FRMD4A: variants seen among roughly 807,000 people sequenced by gnomAD.
FRMD4A encodes FERM domain-containing protein 4A.
Under a neutral mutation model 129.1 loss-of-function variants are expected in FRMD4A, and 29 were observed. The observed-to-expected ratio is 0.22, with a 90% confidence interval of 0.17 to 0.31. FRMD4A has a LOEUF of 0.31. Ranked by LOEUF, FRMD4A falls within the 10% of genes least tolerant of loss-of-function variation. FRMD4A has a pLI of 1.00. For synonymous variants in FRMD4A, 634 were observed against 571.6 expected, an observed-to-expected ratio of 1.11 and a Z score of -1.56; for missense variants, 1,272 against 1,375.8, an observed-to-expected ratio of 0.92 and a Z score of 1.19.
At chr10:13,999,451 C>T (rs1311467675) in intron 2 of FRMD4A, among the ~76,000 whole-genome samples, 2 of 152,148 alleles carry the variant, frequency 1.3e-5, no homozygotes, top group African/African-American at 4.8e-5. Flanking sequence ...TGGACTAGGA[C>T]CGCATTTTCT....
chr10:14,233,144 TACCTGAC>T (rs1843691483), intron 2 of FRMD4A, among the ~76,000 whole-genome samples: 1 of 152,242 alleles, frequency 6.6e-6, no homozygotes, highest in South Asian at 2.1e-4. Context: ...CATATGAAAG[TACCTGAC>T]ACAGTGTAAG....
At chr10:14,105,146 G>C (rs1157571300) in intron 2 of FRMD4A, among the ~76,000 whole-genome samples, 1 of 152,152 alleles carries the variant, frequency 6.6e-6, no homozygotes, top group Non-Finnish European at 1.5e-5. Flanking sequence ...ATAAGAGATG[G>C]GTCATTTGAA....
intron 2 of FRMD4A, among the ~76,000 whole-genome samples, chr10:14,299,354 A>T (rs1396498186): frequency 6.6e-6 from 1 of 152,140 alleles, no homozygotes; most frequent in South Asian, 2.1e-4. Flanking sequence ...GGGAGAAGCT[A>T]TTGAGTAGGA....
chr10:13,696,411 C>T (rs936650620), intron 14 of FRMD4A, among the ~76,000 whole-genome samples: 1 of 152,158 alleles, frequency 6.6e-6, no homozygotes, highest in African/African-American at 2.4e-5. Context: ...TAGACCAATT[C>T]AGTGCTGGGT....
At chr10:13,681,103 G>A (rs995937085) in intron 15 of FRMD4A, among the ~76,000 whole-genome samples, 6 of 152,076 alleles carry the variant, frequency 3.9e-5, no homozygotes, top group East Asian at 3.8e-4. Context: ...TAGTTCCCTC[G>A]TGCCTCTAGC....
At chr10:14,184,900 G>A (rs897115994) in intron 2 of FRMD4A, among the ~76,000 whole-genome samples, 2 of 152,210 alleles carry the variant, frequency 1.3e-5, no homozygotes, top group African/African-American at 2.4e-5. Flanking sequence ...GTACTGCGAT[G>A]GAGCACAAAC....
chr10:13,799,654 A>G (rs1255657404), intron 4 of FRMD4A, among the ~76,000 whole-genome samples: 1 of 152,130 alleles, frequency 6.6e-6, no homozygotes, highest in African/African-American at 2.4e-5. Context: ...TGTGTATGGC[A>G]TGCGCCTGGC....
At chr10:13,735,573 T>C (rs2090582625) in intron 12 of FRMD4A, among the ~76,000 whole-genome samples, 1 of 152,218 alleles carries the variant, frequency 6.6e-6, no homozygotes, top group Non-Finnish European at 1.5e-5. Flanking sequence ...TCACTCTTCA[T>C]TAGAACCTCA....
chr10:13,739,662 T>G (rs2090868914), intron 11 of FRMD4A, among the ~76,000 whole-genome samples: 1 of 152,202 alleles, frequency 6.6e-6, no homozygotes, highest in Non-Finnish European at 1.5e-5. Flanking sequence ...TCTGTTAAGT[T>G]CTAGGGCTGA....
chr10:14,090,476 C>G (rs1176956728), intron 2 of FRMD4A, among the ~76,000 whole-genome samples: 2 of 152,206 alleles, frequency 1.3e-5, no homozygotes, highest in African/African-American at 4.8e-5. Context: ...ATCATGGAAA[C>G]AGCACTTTGC....
chr10:13,808,499 A>C (rs920958084), intron 4 of FRMD4A, among the ~76,000 whole-genome samples: 3 of 152,220 alleles, frequency 2.0e-5, no homozygotes, highest in Admixed American at 6.5e-5. Context: ...ACTATTTTGC[A>C]GGGGCAGCTT....
At chr10:14,158,493 G>T (rs1028723434) in intron 2 of FRMD4A, among the ~76,000 whole-genome samples, 1 of 151,968 alleles carries the variant, frequency 6.6e-6, no homozygotes, top group African/African-American at 2.4e-5. Flanking sequence ...TGAGTCTGTG[G>T]CCCCAGCTAC....
In FRMD4A at chr10:13,761,664, T is replaced by G. The variant is rs759026231; in HGVS notation, c.447A>C (p.Ala149=). The G allele has an allele frequency of 6.2e-6, 10 of 1,604,920 alleles. No homozygotes were observed. The highest frequency in any genetic ancestry group is 8.5e-6 in the Non-Finnish European group (10 of 1,173,670). The change falls in exon 8 of 25, where the codon GCA becomes GCC. Residue 149 remains alanine, a synonymous_variant. Transcript: ENST00000357447. ...FELASYILQE[A]KGDFSSNEVV... ...AAACTTACCTAGAAAAATCTCCCTT[T>G]GCCTCCTGTAGAAGAAAAAATTCAA...
intron 2 of FRMD4A, among the ~76,000 whole-genome samples, chr10:14,125,579 T>A (rs1459839678): frequency 6.6e-6 from 1 of 152,218 alleles, no homozygotes; most frequent in Non-Finnish European, 1.5e-5. Flanking sequence ...AAGGTTAGAA[T>A]GCAACTTGTT....
chr10:14,216,152 T>C (rs1843069213), intron 2 of FRMD4A, among the ~76,000 whole-genome samples: 1 of 152,134 alleles, frequency 6.6e-6, no homozygotes, highest in Non-Finnish European at 1.5e-5. Context: ...TATTCCAAAA[T>C]TCCGTCCCGG....
At chr10:13,817,709 C>T (rs932998372) in intron 3 of FRMD4A, among the ~76,000 whole-genome samples, 6 of 152,200 alleles carry the variant, frequency 3.9e-5, no homozygotes, top group East Asian at 1.9e-4. Flanking sequence ...TGCCTTCCGC[C>T]GTGATTGTGA....
chr10:14,090,597 G>A (rs1001806830), intron 2 of FRMD4A, among the ~76,000 whole-genome samples: 8 of 152,180 alleles, frequency 5.3e-5, no homozygotes, highest in African/African-American at 1.7e-4. Flanking sequence ...AGCCTTCATC[G>A]ATTGCCCAGA....
At chr10:14,200,897 A>T (rs1589159496) in intron 2 of FRMD4A, among the ~76,000 whole-genome samples, 1 of 151,678 alleles carries the variant, frequency 6.6e-6, no homozygotes, top group African/African-American at 2.4e-5. Flanking sequence ...ATTCCTGTTT[A>T]CCTCCTGTTC....
chr10:14,270,127 CTG>C (rs1304905193), intron 2 of FRMD4A, among the ~76,000 whole-genome samples: 5 of 152,308 alleles, frequency 3.3e-5, no homozygotes, highest in African/African-American at 9.6e-5. Flanking sequence ...CTCAGACTGA[CTG>C]AGAGAGATAC....
Sources: allele counts gnomAD v4.1 joint callset (sites outside exome capture counted in the v4.1 genomes callset), GRCh38; gene constraint gnomAD v4.1.1; transcripts MANE v1.5; gene names NCBI Gene and HGNC (gene_info 2026-07-23, HGNC 2026-07-21).